The following CSMD1 variants were observed in gnomAD, a reference collection of about 807,000 sequenced individuals.
CSMD1 encodes CUB and sushi domain-containing protein 1.
A neutral mutation model predicts 417.5 loss-of-function variants in CSMD1; 213 were observed. That is an observed-to-expected ratio of 0.51 (90% CI 0.46 to 0.57). CSMD1 has a LOEUF of 0.57. Ranked by LOEUF, CSMD1 falls within the 20% of genes least tolerant of loss-of-function variation. The pLI is 0.00. For synonymous variants in CSMD1, 2,862 were observed against 1,736.8 expected (o/e 1.65, Z -16.11); for missense variants, 6,923 against 4,529.7 (o/e 1.53, Z -15.17).
chr8:4,212,751 C>CTTT (rs5889027), intron 3 of CSMD1, among the ~76,000 whole-genome samples: 9 of 99,212 alleles, frequency 9.1e-5, no homozygotes, highest in African/African-American at 2.6e-4. Context: ...CGGCCTTATT[C>CTTT]TTTTTTTTTT....
intron 55 of CSMD1, 148 bp downstream of exon 55, chr8:2,978,464 T>C: frequency 1.5e-6 from 1 of 648,518 alleles, no homozygotes; most frequent in Middle Eastern, 4.2e-4. Flanking sequence ...CCACTCGATC[T>C]ACAGCTATCA....
At chr8:3,191,683 C>A (rs990427838) in intron 33 of CSMD1, among the ~76,000 whole-genome samples, 2 of 152,092 alleles carry the variant, frequency 1.3e-5, no homozygotes, top group African/African-American at 4.8e-5. Flanking sequence ...AAATTACCAT[C>A]TACAGGAGAT....
chr8:4,099,079 C>T (rs980548961), intron 3 of CSMD1, among the ~76,000 whole-genome samples: 1 of 152,032 alleles, frequency 6.6e-6, no homozygotes, highest in African/African-American at 2.4e-5. Flanking sequence ...TCATTCTAGA[C>T]ATTATTTTCA....
intron 29 of CSMD1, among the ~76,000 whole-genome samples, chr8:3,216,629 C>A (rs544674488): frequency 7.9e-5 from 12 of 152,150 alleles, no homozygotes; most frequent in African/African-American, 2.7e-4. Context: ...TGACTTGTCA[C>A]TTCAGGATGT....
chr8:4,804,260 G>T (rs182198070), intron 1 of CSMD1, among the ~76,000 whole-genome samples: 1 of 152,090 alleles, frequency 6.6e-6, no homozygotes, highest in Non-Finnish European at 1.5e-5. Context: ...AGGAAAATAA[G>T]CCTCTAATTA....
At chr8:3,653,744 G>A (rs746503605) in intron 7 of CSMD1, among the ~76,000 whole-genome samples, 2 of 152,134 alleles carry the variant, frequency 1.3e-5, no homozygotes, top group Non-Finnish European at 2.9e-5. Context: ...CGGCCACATC[G>A]CATGGCTGTT....
At chr8:3,808,187 G>A (rs1800857356) in intron 5 of CSMD1, among the ~76,000 whole-genome samples, 2 of 152,066 alleles carry the variant, frequency 1.3e-5, no homozygotes, top group Admixed American at 1.3e-4. Flanking sequence ...TATTAAAATT[G>A]TTTTTGCAAA....
intron 2 of CSMD1, among the ~76,000 whole-genome samples, chr8:4,608,276 C>T (rs955353763): frequency 6.6e-6 from 1 of 152,164 alleles, no homozygotes; most frequent in Middle Eastern, 3.2e-3. Context: ...AAGTCTGCAC[C>T]GTGGGCTAAG....
intron 2 of CSMD1, among the ~76,000 whole-genome samples, chr8:4,617,269 T>A (rs1801523445): frequency 6.6e-6 from 1 of 152,206 alleles, no homozygotes; most frequent in African/African-American, 2.4e-5. Flanking sequence ...ATTACTTGCT[T>A]CACCTTCTTT....
At chr8:3,018,748 A>G (rs1361976658) in intron 51 of CSMD1, 98 bp from the exon 52 acceptor site, 4 of 1,159,818 alleles carry the variant, frequency 3.4e-6, no homozygotes, top group Non-Finnish European at 4.9e-6. Context: ...AAACCAAAAA[A>G]CTATTTTTAG....
intron 5 of CSMD1, among the ~76,000 whole-genome samples, chr8:3,784,486 T>C (rs1393946614): frequency 4.6e-5 from 7 of 152,190 alleles, no homozygotes; most frequent in Admixed American, 4.6e-4. Context: ...CTTCTAGGGA[T>C]GGGCACTTAT....
At chr8:3,024,601 C>G (rs113206792) in intron 51 of CSMD1, among the ~76,000 whole-genome samples, 137 of 152,308 alleles carry the variant, frequency 9.0e-4, no homozygotes, top group African/African-American at 3.2e-3. Flanking sequence ...GCCACCATGC[C>G]TAGCCTACAT....
At chr8:4,992,791 G>C (rs1353190939) in intron 1 of CSMD1, among the ~76,000 whole-genome samples, 2 of 152,226 alleles carry the variant, frequency 1.3e-5, no homozygotes, top group African/African-American at 4.8e-5. Context: ...CCGGGCGGGT[G>C]GGCAGAGGGT....
intron 3 of CSMD1, among the ~76,000 whole-genome samples, chr8:4,201,196 T>G (rs376679482): frequency 1.3e-5 from 2 of 152,014 alleles, no homozygotes; most frequent in African/African-American, 4.8e-5. Context: ...GCAGAGGAGG[T>G]GATCCAATAC....
intron 25 of CSMD1, among the ~76,000 whole-genome samples, chr8:3,295,604 G>T (rs6558757): frequency 0.021 from 3,222 of 152,252 alleles, 80 homozygotes; most frequent in African/African-American, 0.049. Flanking sequence ...CTGTACTGAT[G>T]CAAGGATCTT....
At chr8:3,868,648 C>A (rs1805271634) in intron 5 of CSMD1, among the ~76,000 whole-genome samples, 1 of 152,174 alleles carries the variant, frequency 6.6e-6, no homozygotes, top group Non-Finnish European at 1.5e-5. Context: ...TAATATTTCT[C>A]CTCAAACTCA....
Position 3,409,620 on chromosome 8 carries a change from A to T in CSMD1, c.1562-15T>A, listed in dbSNP as rs1812557175. 6.4e-7 allele frequency: 1 copy of T among 1,556,070 alleles called. No individual in the cohort carries two copies. Among genetic ancestry groups the T allele is most frequent in the African/African-American group, 1.4e-5 (1 of 73,414 alleles). Reference sequence around the variant, plus strand: ...CTTTTCAATTTCTGAAAATGGAAAAACAAATGAACCCTTAAAAAAACACAC... The same window carrying T: ...CTTTTCAATTTCTGAAAATGGAAAATCAAATGAACCCTTAAAAAAACACAC... On this transcript the variant is annotated splice_polypyrimidine_tract_variant and intron_variant, in intron 12 of 69. Coordinates refer to ENST00000635120, the MANE Select transcript of CSMD1 (RefSeq NM_033225.6).
intron 40 of CSMD1, among the ~76,000 whole-genome samples, chr8:3,144,588 C>T (rs988502459): frequency 6.6e-6 from 1 of 152,040 alleles, no homozygotes; most frequent in Non-Finnish European, 1.5e-5. Flanking sequence ...CTTGGCCATT[C>T]TAACATCGTC....
intron 22 of CSMD1, among the ~76,000 whole-genome samples, chr8:3,345,302 C>G (rs919514391): frequency 2.0e-5 from 3 of 152,130 alleles, no homozygotes; most frequent in Admixed American, 6.5e-5. Flanking sequence ...TAAAAATGAA[C>G]AGCTCAAAAG....
Sources: gnomAD v4.1 joint callset for allele counts (sites outside exome capture counted in the v4.1 genomes callset) on GRCh38, gnomAD v4.1.1 for gene constraint, MANE v1.5 for transcripts, NCBI Gene and HGNC (gene_info 2026-07-23, HGNC 2026-07-21) for gene names.